CADPS2: variants seen among roughly 807,000 people sequenced by gnomAD.
CADPS2 encodes calcium dependent secretion activator 2, also known as calcium-dependent secretion activator 2.
Under a neutral mutation model 172.5 loss-of-function variants are expected in CADPS2, and 93 were observed. The ratio of observed to expected loss-of-function variants is 0.54; its 90% CI spans 0.46 to 0.64. The LOEUF is 0.64. Ranked by LOEUF, CADPS2 falls within the 30% of genes least tolerant of loss-of-function variation. The pLI, the probability that CADPS2 is intolerant of heterozygous loss-of-function variation, is 0.00. For missense variants in CADPS2, 1,420 were observed against 1,565.9 expected (o/e 0.91, Z 1.57); for synonymous variants, 546 against 555.2 (o/e 0.98, Z 0.23).
chr7:122,378,483 T>G (rs1427125222), intron 25 of CADPS2, among the ~76,000 whole-genome samples: 1 of 152,164 alleles, frequency 6.6e-6, no homozygotes, highest in Non-Finnish European at 1.5e-5. Flanking sequence ...AAATTATTAA[T>G]GAGGATTAAC....
intron 1 of CADPS2, among the ~76,000 whole-genome samples, chr7:122,857,705 C>A (rs1326130372): frequency 1.3e-5 from 2 of 152,184 alleles, no homozygotes; most frequent in Admixed American, 1.3e-4. Context: ...ACTCAAGTCA[C>A]TTCATGTCAG....
Position 122,320,264 on chromosome 7 carries a change from G to C in CADPS2, c.3792C>G (p.His1264Gln). The C allele has an allele frequency of 6.2e-7, 1 of 1,613,458 alleles. No individual in the cohort carries two copies. The highest frequency in any genetic ancestry group is 8.5e-7 in the Non-Finnish European group (1 of 1,179,548). Residue 1264 changes from histidine to glutamine, a missense_variant, in exon 30 of 30, where the codon CAC becomes CAG. Physicochemically the swap from His to Gln is conservative, Grantham distance 24. Transcript: ENST00000449022. ...TLNSKTYDTV[H>Q]RRLTVEEATA... is the part of the protein sequence containing the mutation. ...TGGCCTCCTCTACTGTTAAACGTCT[G>C]TGCACAGTATCATAAGTCTTACTGT...
intron 29 of CADPS2, among the ~76,000 whole-genome samples, chr7:122,323,560 TCA>T (rs934063017): frequency 3.3e-5 from 5 of 151,958 alleles, no homozygotes; most frequent in African/African-American, 4.8e-5. Context: ...AAATTATACC[TCA>T]ATAAAATGAA....
At chr7:122,479,622 T>G (rs1379815608) in intron 12 of CADPS2, among the ~76,000 whole-genome samples, 2 of 152,222 alleles carry the variant, frequency 1.3e-5, no homozygotes, top group African/African-American at 4.8e-5. Context: ...TCTTGCTTTC[T>G]GCAGCCAATA....
At chr7:122,797,076 A>C (rs1329901814) in intron 1 of CADPS2, among the ~76,000 whole-genome samples, 3 of 152,210 alleles carry the variant, frequency 2.0e-5, no homozygotes, top group Non-Finnish European at 4.4e-5. Context: ...GAAGATATAC[A>C]TGTGGATAAC....
chr7:122,416,176 A>G lies in CADPS2; in HGVS notation c.2477-12T>C. 1.4e-6 allele frequency: 2 copies of G among 1,464,984 alleles called. No homozygotes were observed. Among genetic ancestry groups the G allele is most frequent in the Non-Finnish European group, 9.3e-7 (1 of 1,077,230 alleles). 90.7% of individuals were successfully genotyped at this position (1,464,984 alleles called of 1,614,324 possible). Reference sequence around the variant, plus strand: ...CTGGTTCATGGTCTCTATATGAAAAAAAATCATAATCATGTTACCTTGAAA... The same window carrying G: ...CTGGTTCATGGTCTCTATATGAAAAGAAATCATAATCATGTTACCTTGAAA... On this transcript the variant is annotated splice_polypyrimidine_tract_variant and intron_variant, in intron 17 of 29. Coordinates refer to ENST00000449022, the MANE Select transcript of CADPS2 (RefSeq NM_017954.11).
chr7:122,412,673 T>C (rs187124821), intron 19 of CADPS2: 1 of 152,326 alleles, frequency 6.6e-6, no homozygotes, highest in Admixed American at 6.5e-5. Flanking sequence ...ATTTAAAATA[T>C]TTTAAGGATC....
Position 122,354,883 on chromosome 7 carries a change from C to T in CADPS2, c.3504+5905G>A, listed in dbSNP as rs549925135. Among the ~76,000 whole-genome samples the T allele has an allele frequency of 2.8e-4, 43 of 152,222 alleles. 1 individual carries two copies. In the South Asian group the frequency reaches 3.5e-3, roughly 12 times the overall value. On this transcript the variant is annotated intron_variant, in intron 27 of 29. Coordinates refer to ENST00000449022, the MANE Select transcript of CADPS2 (RefSeq NM_017954.11). Reference sequence around the variant, plus strand: ...CCTCCCCAAGATAGGGTTGTCTAGCCAAGAGCAATCTATCAAACTATACTG... The same window carrying T: ...CCTCCCCAAGATAGGGTTGTCTAGCTAAGAGCAATCTATCAAACTATACTG...
intron 17 of CADPS2, among the ~76,000 whole-genome samples, chr7:122,433,526 C>G (rs1356579710): frequency 6.6e-6 from 1 of 151,744 alleles, no homozygotes; most frequent in African/African-American, 2.4e-5. Context: ...GCCTCAGCCA[C>G]CCAAGTAGCT....
chr7:122,356,410 T>C (rs2039412868), intron 27 of CADPS2, among the ~76,000 whole-genome samples: 1 of 152,236 alleles, frequency 6.6e-6, no homozygotes, highest in Non-Finnish European at 1.5e-5. Context: ...ATTATCAATA[T>C]GATTTATCAC....
At chr7:122,604,412 T>C (rs1210166124) in intron 6 of CADPS2, among the ~76,000 whole-genome samples, 1 of 152,098 alleles carries the variant, frequency 6.6e-6, no homozygotes, top group Non-Finnish European at 1.5e-5. Context: ...GAACCCTGCC[T>C]GTGTAAAGAT....
intron 10 of CADPS2, 100 bp downstream of exon 10, chr7:122,491,212 A>C: frequency 1.6e-6 from 1 of 632,320 alleles, no homozygotes; most frequent in Non-Finnish European, 2.6e-6. Flanking sequence ...TATGCACCCT[A>C]TTCATCGAGA....
At chr7:122,706,387 T>C (rs9690326) in intron 2 of CADPS2, among the ~76,000 whole-genome samples, 2,149 of 114,288 alleles carry the variant, frequency 0.019, 114 homozygotes, top group Non-Finnish European at 0.022. Context: ...TATATATGCT[T>C]ATATATTCAA....
intron 9 of CADPS2, among the ~76,000 whole-genome samples, chr7:122,509,026 A>C (rs2059828223): frequency 6.6e-6 from 1 of 152,208 alleles, no homozygotes; most frequent in African/African-American, 2.4e-5. Flanking sequence ...TGATTTGGCA[A>C]CAATATCTCT....
chr7:122,486,788 CCTTGT>C (rs1305472754), intron 11 of CADPS2, among the ~76,000 whole-genome samples: 1 of 152,080 alleles, frequency 6.6e-6, no homozygotes, highest in Non-Finnish European at 1.5e-5. Context: ...CAAACTTCAT[CCTTGT>C]CTTATTTTAA....
intron 1 of CADPS2, among the ~76,000 whole-genome samples, chr7:122,828,227 G>A (rs1037476266): frequency 1.3e-5 from 2 of 150,228 alleles, no homozygotes; most frequent in Non-Finnish European, 3.0e-5. Flanking sequence ...ATTATCAGGT[G>A]TTGATATAAC....
chr7:122,849,238 AAGAAC>A (rs2141059292), intron 1 of CADPS2, among the ~76,000 whole-genome samples: 1 of 152,356 alleles, frequency 6.6e-6, no homozygotes, highest in South Asian at 2.1e-4. Context: ...TTTGTTTACA[AAGAAC>A]GTTGGAACAT....
chr7:122,341,532 T>C (rs926860235), intron 28 of CADPS2, among the ~76,000 whole-genome samples: 1 of 152,202 alleles, frequency 6.6e-6, no homozygotes, highest in Non-Finnish European at 1.5e-5. Flanking sequence ...GGCAGAGCTG[T>C]GGTTGGAACT....
intron 3 of CADPS2, among the ~76,000 whole-genome samples, chr7:122,653,062 T>A (rs550662035): frequency 1.3e-5 from 2 of 152,302 alleles, no homozygotes; most frequent in Middle Eastern, 3.4e-3. Flanking sequence ...TACCAAACGA[T>A]GGCCATCGAT....
Sources: gnomAD v4.1 joint callset for allele counts (sites outside exome capture counted in the v4.1 genomes callset) on GRCh38, gnomAD v4.1.1 for gene constraint, MANE v1.5 for transcripts, NCBI Gene and HGNC (gene_info 2026-07-23, HGNC 2026-07-21) for gene names.